Variants in SPOCK1 observed in about 807,000 individuals in gnomAD.
The protein encoded by SPOCK1 is testican-1.
A neutral mutation model predicts 55.3 loss-of-function variants in SPOCK1; 23 were observed. The observed-to-expected ratio is 0.42, with a 90% CI of 0.30 to 0.59. The LOEUF is 0.59. Among genes scored for constraint, SPOCK1 ranks in the 20% least tolerant of loss-of-function variants. The pLI is 0.22. For missense variants in SPOCK1, 499 were observed against 552.5 expected, an observed-to-expected ratio of 0.90 and a Z score of 0.97; for synonymous variants, 226 against 221.0, an observed-to-expected ratio of 1.02 and a Z score of -0.20.
intron 2 of SPOCK1, among the ~76,000 whole-genome samples, chr5:137,417,000 A>G (rs1752348518): frequency 6.6e-6 from 1 of 151,996 alleles, no homozygotes; most frequent in Admixed American, 6.6e-5. Flanking sequence ...TGAAGTTGTA[A>G]TATTTCTTTA....
In SPOCK1 at chr5:137,214,567, T is replaced by C. The variant is rs138972912; in HGVS notation, c.232+52443A>G. ...AACAACAACGATGTCAGATGACTGA[T>C]TGAATAAGCATGTATCAGTAGCTGT... is the stretch of plus-strand genomic sequence containing the variant. On this transcript the variant is annotated intron_variant, in intron 3 of 10. Transcript: ENST00000394945. Among the ~76,000 whole-genome samples the C allele has an allele frequency of 6.8e-3, 1,029 of 152,318 alleles. 11 individuals carry two copies. The highest frequency in any genetic ancestry group is 0.023 in the African/African-American group (946 of 41,566).
intron 6 of SPOCK1, among the ~76,000 whole-genome samples, chr5:137,007,414 T>C (rs1019652058): frequency 6.6e-6 from 1 of 151,974 alleles, no homozygotes; most frequent in Non-Finnish European, 1.5e-5. Context: ...AAAGGGCTAA[T>C]ATCCAGCAAC....
At chr5:137,408,669 T>G (rs987904920) in intron 2 of SPOCK1, among the ~76,000 whole-genome samples, 2 of 152,252 alleles carry the variant, frequency 1.3e-5, no homozygotes, top group African/African-American at 4.8e-5. Context: ...CTTTATTTTT[T>G]TTAACTGCAT....
chr5:137,248,528 G>A lies in SPOCK1; in HGVS notation c.232+18482C>T, dbSNP rs766432467. On this transcript the variant is annotated intron_variant, in intron 3 of 10. Transcript: ENST00000394945. The stretch of plus-strand genomic sequence containing the variant: ...ACCATTCATTGATCTCTATCATGCA[G>A]TAAATTAATACTTACAAAATTTTGA... Among the ~76,000 whole-genome samples the A allele has an allele frequency of 6.4e-4, 97 of 152,118 alleles. 1 individual carries two copies. The highest frequency in any genetic ancestry group is 1.2e-3 in the Non-Finnish European group (80 of 68,018).
At chr5:137,363,689 G>A (rs1156626726) in intron 2 of SPOCK1, among the ~76,000 whole-genome samples, 1 of 152,226 alleles carries the variant, frequency 6.6e-6, no homozygotes, top group African/African-American at 2.4e-5. Context: ...TCAGCACGAG[G>A]CAGATACCAG....
chr5:137,040,146 G>A (rs543477135), intron 6 of SPOCK1, among the ~76,000 whole-genome samples: 11 of 152,306 alleles, frequency 7.2e-5, no homozygotes, highest in African/African-American at 1.9e-4. Context: ...GGTGATGCCC[G>A]CAGAGACTGG....
chr5:137,161,311 T>C (rs1167343729), intron 3 of SPOCK1, among the ~76,000 whole-genome samples: 1 of 151,606 alleles, frequency 6.6e-6, no homozygotes, highest in African/African-American at 2.4e-5. Flanking sequence ...TATATATATA[T>C]GGGATATGGG....
At chr5:137,081,015 T>C (rs1481615479) in intron 5 of SPOCK1, among the ~76,000 whole-genome samples, 1 of 152,204 alleles carries the variant, frequency 6.6e-6, no homozygotes, top group Non-Finnish European at 1.5e-5. Context: ...TACTTTATCA[T>C]TCAGAGTTCA....
intron 6 of SPOCK1, among the ~76,000 whole-genome samples, chr5:137,006,929 G>A (rs184771849): frequency 6.6e-6 from 1 of 152,134 alleles, no homozygotes; most frequent in South Asian, 2.1e-4. Context: ...TTTGCCGAAG[G>A]CCTTTTTGGC....
At chr5:137,309,286 A>C (rs527398179) in intron 2 of SPOCK1, among the ~76,000 whole-genome samples, 1 of 152,276 alleles carries the variant, frequency 6.6e-6, no homozygotes, top group African/African-American at 2.4e-5. Context: ...AGCCCATAAG[A>C]AAACTGTATG....
chr5:137,465,917 C>T (rs1020033602), intron 2 of SPOCK1, among the ~76,000 whole-genome samples: 2 of 152,296 alleles, frequency 1.3e-5, no homozygotes, highest in South Asian at 4.1e-4. Context: ...AACCTCATAA[C>T]CTAAAACCAT....
At chr5:137,282,318 C>T (rs1385396735) in intron 2 of SPOCK1, among the ~76,000 whole-genome samples, 1 of 152,186 alleles carries the variant, frequency 6.6e-6, no homozygotes, top group African/African-American at 2.4e-5. Flanking sequence ...AAGCGGCAGC[C>T]GCTGCTCTGT....
At chr5:137,137,420 C>G (rs890432963) in intron 4 of SPOCK1, among the ~76,000 whole-genome samples, 1 of 152,150 alleles carries the variant, frequency 6.6e-6, no homozygotes, top group African/African-American at 2.4e-5. Context: ...GTCCAAGACC[C>G]TTCAAAGAGG....
intron 2 of SPOCK1, among the ~76,000 whole-genome samples, chr5:137,444,817 G>T (rs1464310004): frequency 1.3e-5 from 2 of 152,196 alleles, no homozygotes; most frequent in African/African-American, 4.8e-5. Flanking sequence ...ATCACCCTCT[G>T]CTGACCATTC....
At chr5:137,089,940 G>T (rs780521729) in intron 5 of SPOCK1, among the ~76,000 whole-genome samples, 6 of 152,192 alleles carry the variant, frequency 3.9e-5, no homozygotes, top group Non-Finnish European at 8.8e-5. Flanking sequence ...AGCCAGGAAG[G>T]CCACAGAGGC....
intron 6 of SPOCK1, among the ~76,000 whole-genome samples, chr5:137,049,044 C>G (rs1752153112): frequency 2.1e-5 from 3 of 140,178 alleles, no homozygotes. Context: ...TTGAGGGTAA[C>G]CCGACCTTTC....
At chr5:137,001,626 G>C (rs1015661929) in intron 6 of SPOCK1, among the ~76,000 whole-genome samples, 1 of 152,202 alleles carries the variant, frequency 6.6e-6, no homozygotes, top group African/African-American at 2.4e-5. Context: ...ACAACCCTCA[G>C]TGTACAAGTT....
rs2126982967 is a variant in SPOCK1 at position 137,026,204 on chromosome 5, A to C, written c.590-33604T>G. ...AATGGGTCTCCTTCAGTTGCAACTC[A>C]TCACCACCAAGGGTAGGTAAAACAA... is the stretch of plus-strand genomic sequence containing the variant. On this transcript the variant is annotated intron_variant, in intron 6 of 10. Transcript: ENST00000394945. Among the ~76,000 whole-genome samples, 2 of 152,374 alleles carry C rather than the reference A, an allele frequency of 1.3e-5. 1 individual carries two copies. The highest frequency in any genetic ancestry group is 4.1e-4 in the South Asian group (2 of 4,826).
At chr5:136,985,235 A>G in intron 8 of SPOCK1, 33 bp from the exon 9 acceptor site, 1 of 1,594,322 alleles carries the variant, frequency 6.3e-7, no homozygotes, top group Non-Finnish European at 8.6e-7. Flanking sequence ...CAGCTTCCAG[A>G]TGGTATGGAG....
Sources: allele counts gnomAD v4.1 joint callset (sites outside exome capture counted in the v4.1 genomes callset), GRCh38; gene constraint gnomAD v4.1.1; transcripts MANE v1.5; gene names NCBI Gene and HGNC (gene_info 2026-07-23, HGNC 2026-07-21).